The following TECPR2 variants were observed in gnomAD, a reference collection of about 807,000 sequenced individuals.
The protein encoded by TECPR2 is tectonin beta-propeller repeat containing 2.
Under a neutral mutation model 138.1 loss-of-function variants are expected in TECPR2, and 65 were observed. The observed-to-expected ratio is 0.47, with a 90% CI of 0.39 to 0.58. TECPR2 has a LOEUF of 0.58. Among genes scored for constraint, TECPR2 ranks in the 20% least tolerant of loss-of-function variants. The probability of loss-of-function intolerance (pLI) is 0.00; values close to 1 mark genes in which losing one functional copy is unlikely to be tolerated. For synonymous variants in TECPR2, 746 were observed against 749.8 expected (o/e 0.99, Z 0.08); for missense variants, 1,553 against 1,824.5 (o/e 0.85, Z 2.71).
At chr14:102,430,597 T>G (rs1284934831) in intron 7 of TECPR2, among the ~76,000 whole-genome samples, 2 of 152,164 alleles carry the variant, frequency 1.3e-5, no homozygotes, top group African/African-American at 2.4e-5. Flanking sequence ...TGGATCAAAG[T>G]GGGCTGTGGT....
chr14:102,437,422 C>G (rs1391700968), intron 9 of TECPR2, among the ~76,000 whole-genome samples: 3 of 152,142 alleles, frequency 2.0e-5, no homozygotes, highest in Non-Finnish European at 4.4e-5. Flanking sequence ...TGGCAGATGC[C>G]TGTAATCCCA....
chr14:102,493,546 T>G (rs1330619799), intron 17 of TECPR2, among the ~76,000 whole-genome samples: 1 of 152,198 alleles, frequency 6.6e-6, no homozygotes, highest in Non-Finnish European at 1.5e-5. Context: ...GGAAAGGGGG[T>G]TCCATAGCCA....
intron 5 of TECPR2, among the ~76,000 whole-genome samples, chr14:102,422,212 G>C (rs957854200): frequency 6.6e-6 from 1 of 152,128 alleles, no homozygotes; most frequent in African/African-American, 2.4e-5. Flanking sequence ...GCTCAAAATA[G>C]CTTTAAAAAA....
chr14:102,411,698 T>TAAAAAAAAAAAAAAAAAAAAAAAAA (rs1219515960), intron 4 of TECPR2, among the ~76,000 whole-genome samples: 1 of 9,670 alleles, frequency 1.0e-4, no homozygotes, highest in Non-Finnish European at 1.9e-4. Flanking sequence ...GCCATGTTGC[T>TAAAAAAAAAAAAAAAAAAAAAAAAA]CAAAAAAAAA....
chr14:102,424,954 C>G (rs1395585772), intron 5 of TECPR2, 25 bp from the exon 6 acceptor site: 22 of 1,553,528 alleles, frequency 1.4e-5, no homozygotes, highest in Admixed American at 1.9e-5. Flanking sequence ...GTTTTTTGTT[C>G]TTTCTTTCTT....
At chr14:102,454,728 C>T (rs1890233296) in intron 16 of TECPR2, among the ~76,000 whole-genome samples, 1 of 152,208 alleles carries the variant, frequency 6.6e-6, no homozygotes, top group African/African-American at 2.4e-5. Flanking sequence ...GGTAAAAAGT[C>T]CAGGGCTTGG....
At chr14:102,465,324 A>G in intron 17 of TECPR2, 35 bp downstream of exon 17, 3 of 1,608,506 alleles carry the variant, frequency 1.9e-6, no homozygotes, top group Non-Finnish European at 1.7e-6. Flanking sequence ...CTCACTCTTC[A>G]GTAAGACAGA....
chr14:102,436,886 G>T, intron 9 of TECPR2: 1 of 670,082 alleles, frequency 1.5e-6, no homozygotes, highest in Non-Finnish European at 1.8e-6. Flanking sequence ...CTAATGTCTG[G>T]GCGTTAGCCA....
At chr14:102,411,693 G>A (rs1172061654) in intron 4 of TECPR2, among the ~76,000 whole-genome samples, 1 of 18,556 alleles carries the variant, frequency 5.4e-5, no homozygotes, top group Non-Finnish European at 1.1e-4. Context: ...AAACAGCCAT[G>A]TTGCTCAAAA....
intron 4 of TECPR2, among the ~76,000 whole-genome samples, chr14:102,414,138 T>G (rs1888958300): frequency 6.6e-6 from 1 of 152,198 alleles, no homozygotes; most frequent in African/African-American, 2.4e-5. Flanking sequence ...CAAAGCTGCT[T>G]TGAACCCTTT....
At chr14:102,496,638 G>A (rs746035347) in intron 17 of TECPR2, among the ~76,000 whole-genome samples, 1 of 152,178 alleles carries the variant, frequency 6.6e-6, no homozygotes, top group Non-Finnish European at 1.5e-5. Flanking sequence ...TTCTCACAGT[G>A]CCCACCATGG....
At chr14:102,411,729 A>AAAAAAAAAAG in intron 4 of TECPR2, among the ~76,000 whole-genome samples, 1 of 132,376 alleles carries the variant, frequency 7.6e-6, no homozygotes, top group South Asian at 2.4e-4. Flanking sequence ...AAAAAAAAAA[A>AAAAAAAAAAG]AAGAAGATGG....
At chr14:102,363,500 A>C (rs1188589348) in intron 1 of TECPR2, among the ~76,000 whole-genome samples, 1 of 147,298 alleles carries the variant, frequency 6.8e-6, no homozygotes, top group East Asian at 2.1e-4. Flanking sequence ...TCTGTCCCCC[A>C]CTCGCAGCCC....
In TECPR2 at chr14:102,419,563, G is replaced by A. The variant is rs1024524237; in HGVS notation, c.638+4770G>A. On this transcript the variant is annotated intron_variant, in intron 5 of 19. Transcript: ENST00000359520. This position sits in a 1 kb window ranked among gnomAD's most constrained non-coding sequence, Gnocchi z 4.8. ...AGCAGTGTAGGGTTGACCAGAAACC[G>A]GGACAGAGACTCTCTTCCAGAGAAA... 2.0e-5 allele frequency among the ~76,000 whole-genome samples: 3 copies of A among 152,090 alleles called. No homozygotes were observed. Among genetic ancestry groups the A allele is most frequent in the Admixed American group, 1.3e-4 (2 of 15,268 alleles).
At chr14:102,378,263 A>G (rs1468049989) in intron 2 of TECPR2, among the ~76,000 whole-genome samples, 2 of 152,230 alleles carry the variant, frequency 1.3e-5, no homozygotes, top group Non-Finnish European at 2.9e-5. Context: ...ATCAGTATTC[A>G]ATATATTAAA....
rs1373055811 is a variant in TECPR2 at position 102,499,011 on chromosome 14, C to CACCGT, written c.*758_*762dup. 5.7e-6 allele frequency: 4 copies of CACCGT among 697,162 alleles called. No homozygotes were observed. Among genetic ancestry groups the CACCGT allele is most frequent in the South Asian group, 1.5e-5 (1 of 66,846 alleles). The allele number at this position is 697,162 out of a possible 1,614,324, so 43.2% of individuals were successfully genotyped here. On this transcript the variant is annotated 3_prime_UTR_variant, in exon 20 of 20. Transcript: ENST00000359520. ...CACCGCACTGCACCGCACCGCACCG[C>CACCGT]ACCGTACCTCGCCACATCTCACCAC...
chr14:102,437,236 A>G, intron 9 of TECPR2: 2 of 967,780 alleles, frequency 2.1e-6, no homozygotes, highest in South Asian at 9.5e-5. Context: ...GACTTTATTT[A>G]GCTTTGATTT....
In TECPR2 at chr14:102,457,869, C is replaced by CTTTTTTTTTT. The variant is rs748372168; in HGVS notation, c.3640+5254_3640+5263dup. On this transcript the variant is annotated intron_variant, in intron 16 of 19. Coordinates refer to ENST00000359520, the MANE Select transcript of TECPR2 (RefSeq NM_014844.5). ...CGCTCCTCTGCTCCCACTAAATTCC[C>CTTTTTTTTTT]TTTTTTTTTTTTTTTTTTTTTGAGA... is the stretch of plus-strand genomic sequence containing the variant. Among the ~76,000 whole-genome samples, 141 of 102,740 alleles carry CTTTTTTTTTT rather than the reference C, an allele frequency of 1.4e-3. 11 individuals carry two copies. Among genetic ancestry groups the CTTTTTTTTTT allele is most frequent in the African/African-American group, 4.0e-3 (97 of 24,482 alleles). 67.4% of individuals were successfully genotyped at this position (102,740 alleles called of 152,430 possible).
In TECPR2 at chr14:102,501,102, CT is replaced by C. The variant is rs1465353849; in HGVS notation, c.*2846del. On this transcript the variant is annotated 3_prime_UTR_variant, in exon 20 of 20. Transcript: ENST00000359520. ...TCTATTGAATGGCATGGCCCAGACC[CT>C]CGGAGGGCCAGGCAACAGGCTAGCA... 1 of 152,216 alleles carries C rather than the reference CT, an allele frequency of 6.6e-6. No homozygotes were observed. The highest frequency in any genetic ancestry group is 1.5e-5 in the Non-Finnish European group (1 of 68,080). 9.4% of individuals were successfully genotyped at this position (152,216 alleles called of 1,614,324 possible).
Sources: gnomAD v4.1 joint callset for allele counts (sites outside exome capture counted in the v4.1 genomes callset) on GRCh38, gnomAD v4.1.1 for gene constraint, Gnocchi (gnomAD v3.1) non-coding constraint, MANE v1.5 for transcripts, NCBI Gene and HGNC (gene_info 2026-07-23, HGNC 2026-07-21) for gene names.